The following ERCC6L2 variants were observed in gnomAD, a reference collection of about 807,000 sequenced individuals.
The protein encoded by ERCC6L2 is ERCC excision repair 6 like 2, also known as DNA excision repair protein ERCC-6-like 2.
ERCC6L2 carries 77 observed loss-of-function variants against 132.0 expected under a neutral mutation model. The ratio of observed to expected loss-of-function variants is 0.58; its 90% confidence interval spans 0.49 to 0.71. ERCC6L2 has a LOEUF of 0.71. Ranked by LOEUF, ERCC6L2 falls within the 30% of genes least tolerant of loss-of-function variation. The pLI is 0.00. For missense variants in ERCC6L2, 1,542 were observed against 1,837.6 expected, an observed-to-expected ratio of 0.84 and a Z score of 2.94; for synonymous variants, 583 against 632.4, an observed-to-expected ratio of 0.92 and a Z score of 1.17.
At chr9:95,921,438 TAA>T in intron 7 of ERCC6L2, 123 bp downstream of exon 7, 1 of 634,634 alleles carries the variant, frequency 1.6e-6, no homozygotes. Context: ...AGCTATGTCT[TAA>T]AAAATAGTTT....
At chr9:95,887,200 G>A (rs79171770) in intron 2 of ERCC6L2, among the ~76,000 whole-genome samples, 2 of 151,950 alleles carry the variant, frequency 1.3e-5, no homozygotes, top group Admixed American at 1.3e-4. Flanking sequence ...AGTGGGTTGG[G>A]GGGGAGAAAC....
chr9:95,972,497 G>A lies in ERCC6L2; in HGVS notation c.2746G>A (p.Asp916Asn), dbSNP rs953232395. The A allele has an allele frequency of 7.7e-5, 99 of 1,289,810 alleles. 1 individual carries two copies. Among genetic ancestry groups the A allele is most frequent in the Admixed American group, 6.2e-4 (27 of 43,532 alleles). The allele number at this position is 1,289,810 out of a possible 1,614,324, so 79.9% of individuals were successfully genotyped here. A position where few individuals can be genotyped will look rare whatever the true frequency, so the allele number is the denominator to read the frequency against. ...ACAATACACAACTGAGAGATTCCCC[G>A]ACAATAGTATAAGGTTTAAGCCACC... ...PTQYTTERFP[D>N]NSIRFKPPLE... The change falls in exon 16 of 19, where the codon GAC becomes AAC. Residue 916 changes from aspartate (D) to asparagine (N), a missense_variant. Transcript: ENST00000653738.
At chr9:95,921,372 T>C (rs944545666) in intron 7 of ERCC6L2, 57 bp downstream of exon 7, 1 of 1,405,632 alleles carries the variant, frequency 7.1e-7, no homozygotes, top group Non-Finnish European at 9.6e-7. Context: ...TACTCTCTTC[T>C]AGTGTAAAAG....
chr9:95,991,632 A>G (rs1833305441), intron 17 of ERCC6L2, among the ~76,000 whole-genome samples: 1 of 152,250 alleles, frequency 6.6e-6, no homozygotes, highest in South Asian at 2.1e-4. Flanking sequence ...CAAGCTTTCA[A>G]GTGAAAGTTA....
chr9:95,986,707 G>A (rs1231507131), intron 17 of ERCC6L2, among the ~76,000 whole-genome samples: 5 of 151,922 alleles, frequency 3.3e-5, no homozygotes, highest in Admixed American at 3.3e-4. Flanking sequence ...ATGTTGCTGA[G>A]GCTGGTCTCA....
chr9:95,930,194 T>G (rs1026410979), intron 11 of ERCC6L2, among the ~76,000 whole-genome samples: 3 of 152,116 alleles, frequency 2.0e-5, no homozygotes, highest in African/African-American at 7.2e-5. Context: ...ATTTTTTTCC[T>G]CTGGAAATCC....
rs1834149414 is a variant in ERCC6L2 at position 96,015,014 on chromosome 9, A to AGTTTT, written c.*1812_*1816dup. On this transcript the variant is annotated 3_prime_UTR_variant, in exon 19 of 19. Transcript: ENST00000653738. ...AGCTCTATAGTCTTCATATATGTAC[A>AGTTTT]GTTTTTTTTTTTTTTTTTTTTTTTT... Among the ~76,000 whole-genome samples the AGTTTT allele has an allele frequency of 6.0e-5, 4 of 66,150 alleles. No homozygotes were observed. The highest frequency in any genetic ancestry group is 1.5e-4 in the Admixed American group (1 of 6,464). 43.4% of individuals were successfully genotyped at this position (66,150 alleles called of 152,430 possible).
At chr9:96,007,965 T>C (rs1367509166) in intron 18 of ERCC6L2, among the ~76,000 whole-genome samples, 1 of 152,056 alleles carries the variant, frequency 6.6e-6, no homozygotes, top group Non-Finnish European at 1.5e-5. Context: ...CCCGCAGCTC[T>C]TTGGAGTGCT....
At chr9:96,025,792 G>A (rs1834352362) in intron 19 of ERCC6L2, 1 of 152,202 alleles carries the variant, frequency 6.6e-6, no homozygotes, top group African/African-American at 2.4e-5. Flanking sequence ...CAACTTGCAA[G>A]GAACTGTGCG....
At chr9:95,892,291 G>A (rs1053696614) in intron 2 of ERCC6L2, among the ~76,000 whole-genome samples, 7 of 151,506 alleles carry the variant, frequency 4.6e-5, no homozygotes, top group African/African-American at 1.7e-4. Flanking sequence ...TAGGGACCTA[G>A]GGAGAAGGAT....
intron 20 of ERCC6L2, among the ~76,000 whole-genome samples, chr9:96,040,805 G>A (rs777254669): frequency 1.3e-5 from 2 of 152,256 alleles, no homozygotes; most frequent in African/African-American, 4.8e-5. Flanking sequence ...GAGGCGAGGC[G>A]TGCCCTCGGC....
chr9:95,959,987 C>T (rs1831825201), intron 13 of ERCC6L2, among the ~76,000 whole-genome samples: 1 of 152,072 alleles, frequency 6.6e-6, no homozygotes, highest in Non-Finnish European at 1.5e-5. Context: ...CTGTGGAGCC[C>T]TCTTCAGGGT....
chr9:95,975,864 A>G (rs150232771), intron 16 of ERCC6L2, among the ~76,000 whole-genome samples: 2 of 151,700 alleles, frequency 1.3e-5, no homozygotes, highest in Non-Finnish European at 2.9e-5. Context: ...TTTAGTCTTC[A>G]TTTTTGAAAT....
chr9:95,990,687 C>T (rs1833266547), intron 17 of ERCC6L2, among the ~76,000 whole-genome samples: 1 of 152,220 alleles, frequency 6.6e-6, no homozygotes, highest in South Asian at 2.1e-4. Context: ...CCAGTCACTC[C>T]TCTCTGGTGG....
At chr9:95,922,144 A>G (rs1829895648) in intron 7 of ERCC6L2, among the ~76,000 whole-genome samples, 161 bp from the exon 8 acceptor site, 2 of 152,174 alleles carry the variant, frequency 1.3e-5, no homozygotes, top group South Asian at 4.1e-4. Context: ...CACATTAGCT[A>G]TTTGTGGATA....
intron 19 of ERCC6L2, among the ~76,000 whole-genome samples, chr9:96,023,980 C>A (rs1029623305): frequency 6.6e-6 from 1 of 152,200 alleles, no homozygotes; most frequent in Non-Finnish European, 1.5e-5. Context: ...GGGTATTTCT[C>A]TTTTTCTGGT....
chr9:95,983,397 A>G lies in ERCC6L2; in HGVS notation c.3492+5182A>G, dbSNP rs189286974. On this transcript the variant is annotated intron_variant, in intron 17 of 18. Transcript: ENST00000653738. The stretch of plus-strand genomic sequence containing the variant: ...TGTTCCAATTGTATAGAAAATAGCT[A>G]TAAGTCTTCTTTGAACAGTTTCTCT... Among the ~76,000 whole-genome samples the G allele has an allele frequency of 1.8e-3, 271 of 152,364 alleles. 2 individuals carry two copies. The highest frequency in any genetic ancestry group is 3.4e-3 in the Middle Eastern group (1 of 294).
intron 9 of ERCC6L2, among the ~76,000 whole-genome samples, chr9:95,927,397 T>C (rs1237001127): frequency 1.3e-5 from 2 of 152,176 alleles, no homozygotes; most frequent in East Asian, 3.8e-4. Context: ...CTTTTCCACA[T>C]TGTTCTGGAG....
intron 12 of ERCC6L2, among the ~76,000 whole-genome samples, chr9:95,953,437 G>A (rs1291110181): frequency 1.3e-5 from 2 of 151,884 alleles, no homozygotes; most frequent in Non-Finnish European, 2.9e-5. Context: ...ATAGCTGGGC[G>A]TGGTGGTGGG....
Sources: allele counts gnomAD v4.1 joint callset (sites outside exome capture counted in the v4.1 genomes callset), GRCh38; gene constraint gnomAD v4.1.1; transcripts MANE v1.5; gene names NCBI Gene and HGNC (gene_info 2026-07-23, HGNC 2026-07-21).